The following FRMPD2 variants were observed in gnomAD, a reference collection of about 807,000 sequenced individuals.
FRMPD2 encodes FERM and PDZ domain containing 2, also known as FERM and PDZ domain-containing protein 2.
Under a neutral mutation model 140.1 loss-of-function variants are expected in FRMPD2, and 96 were observed. That is an observed-to-expected ratio of 0.69 (90% confidence interval 0.58 to 0.81). The LOEUF (loss-of-function observed/expected upper bound fraction) is 0.81, where lower values mean the gene tolerates loss of function less well. Among genes scored for constraint, FRMPD2 ranks in the 40% least tolerant of loss-of-function variants. FRMPD2 has a pLI of 0.00. For synonymous variants in FRMPD2, 449 were observed against 547.6 expected, an observed-to-expected ratio of 0.82 and a Z score of 2.52; for missense variants, 1,240 against 1,447.4, an observed-to-expected ratio of 0.86 and a Z score of 2.32.
rs769403306 is a variant in FRMPD2 at position 48,192,825 on chromosome 10, C to T, written c.2024G>A (p.Trp675Ter). 2 of 1,613,990 alleles carry T rather than the reference C, an allele frequency of 1.2e-6. No individual in the cohort carries two copies. The highest frequency in any genetic ancestry group is 1.7e-6 in the Non-Finnish European group (2 of 1,180,018). The change falls in exon 16 of 29, where the codon TGG becomes TAG. Residue 675 changes from tryptophan (W) to a stop codon, truncating the protein, a stop_gained. Coordinates refer to ENST00000374201, the MANE Select transcript of FRMPD2 (RefSeq NM_001018071.4). LOFTEE classifies it high-confidence loss of function. Reference protein sequence around the residue: ...AHQARSKPLIWIQRLSCSENE... With the variant: ...AHQARSKPLI ...TTCTGAGCATGACAATCTCTGAATC[C>T]AAATGAGAGGCTTAGACCGGGCCTG...
intron 12 of FRMPD2, among the ~76,000 whole-genome samples, chr10:48,216,545 A>T (rs944316290): frequency 5.3e-5 from 8 of 152,170 alleles, no homozygotes; most frequent in Admixed American, 3.3e-4. Context: ...AGTTAAACTC[A>T]GGTTTGACAT....
At chr10:48,194,863 G>C (rs113138724) in intron 15 of FRMPD2, among the ~76,000 whole-genome samples, 1 of 152,146 alleles carries the variant, frequency 6.6e-6, no homozygotes, top group African/African-American at 2.4e-5. Flanking sequence ...GTGGAGGGGG[G>C]ATTTGTTGGA....
At chr10:48,252,920 T>G (rs1840418612) in intron 1 of FRMPD2, among the ~76,000 whole-genome samples, 1 of 152,214 alleles carries the variant, frequency 6.6e-6, no homozygotes, top group African/African-American at 2.4e-5. Flanking sequence ...TTTCGTTTTT[T>G]TATCTCTCCT....
intron 3 of FRMPD2, 72 bp downstream of exon 3, chr10:48,248,949 G>C: frequency 7.2e-7 from 1 of 1,386,064 alleles, no homozygotes; most frequent in Non-Finnish European, 9.8e-7. Context: ...TGGGAGCTGG[G>C]GAGGCTGCCG....
chr10:48,192,542 A>G, intron 16 of FRMPD2, 142 bp downstream of exon 16: 1 of 713,644 alleles, frequency 1.4e-6, no homozygotes, highest in Admixed American at 2.7e-5. Flanking sequence ...AGCCAAGATC[A>G]CGCCACTGCA....
chr10:48,207,799 AC>A (rs905385679), intron 13 of FRMPD2, among the ~76,000 whole-genome samples: 22 of 151,864 alleles, frequency 1.4e-4, no homozygotes, highest in African/African-American at 5.1e-4. Context: ...TCCCATTCCT[AC>A]CCCCAACCAG....
chr10:48,190,234 G>T (rs1838796599), intron 16 of FRMPD2, among the ~76,000 whole-genome samples: 1 of 152,214 alleles, frequency 6.6e-6, no homozygotes, highest in Admixed American at 6.5e-5. Flanking sequence ...TGAGCTGACA[G>T]CATCCTGGCT....
intron 1 of FRMPD2, among the ~76,000 whole-genome samples, chr10:48,273,175 C>T (rs1157224440): frequency 6.6e-6 from 1 of 152,226 alleles, no homozygotes; most frequent in Admixed American, 6.5e-5. Context: ...GAGACCTCCC[C>T]TTCTCTACAT....
At chr10:48,174,537 G>T (rs1290138218) in intron 24 of FRMPD2, among the ~76,000 whole-genome samples, 2 of 151,780 alleles carry the variant, frequency 1.3e-5, no homozygotes, top group Non-Finnish European at 2.9e-5. Context: ...GCGGGGCTGG[G>T]GCAGCCAGAG....
At chr10:48,238,189 C>T in intron 7 of FRMPD2, 66 bp from the exon 8 acceptor site, 1 of 1,558,176 alleles carries the variant, frequency 6.4e-7, no homozygotes, top group Non-Finnish European at 8.7e-7. Flanking sequence ...CATGAAAGAC[C>T]ACCCGCACAG....
chr10:48,204,577 A>G (rs1839163255), intron 14 of FRMPD2, among the ~76,000 whole-genome samples: 2 of 152,238 alleles, frequency 1.3e-5, no homozygotes, highest in South Asian at 4.1e-4. Flanking sequence ...TGAAAGGAAA[A>G]AAGTATTATA....
chr10:48,271,023 C>G (rs547091357), intron 1 of FRMPD2, among the ~76,000 whole-genome samples: 1 of 152,202 alleles, frequency 6.6e-6, no homozygotes, highest in African/African-American at 2.4e-5. Flanking sequence ...TCCTAAAACA[C>G]AAATCTGACC....
At chr10:48,160,880 G>A (rs1588795959) in intron 28 of FRMPD2, among the ~76,000 whole-genome samples, 2 of 149,210 alleles carry the variant, frequency 1.3e-5, no homozygotes, top group Non-Finnish European at 3.0e-5. Flanking sequence ...CCTGTAGGGG[G>A]CAGCCACTAT....
intron 1 of FRMPD2, among the ~76,000 whole-genome samples, chr10:48,267,802 A>C (rs1840704058): frequency 6.6e-6 from 1 of 152,256 alleles, no homozygotes; most frequent in Non-Finnish European, 1.5e-5. Flanking sequence ...ATGGAACATT[A>C]CTCAACCATA....
In FRMPD2 at chr10:48,240,424, C is replaced by G; in HGVS notation, c.636G>C (p.Arg212Ser). The G allele has an allele frequency of 6.2e-7, 1 of 1,613,618 alleles. No individual in the cohort carries two copies. The highest frequency in any genetic ancestry group is 8.5e-7 in the Non-Finnish European group (1 of 1,180,040). The change falls in exon 6 of 29, where the codon AGG becomes AGC. Residue 212 changes from arginine to serine, a missense_variant. By Grantham distance (110) the Arg-to-Ser change is moderately radical. Coordinates refer to ENST00000374201, the MANE Select transcript of FRMPD2 (RefSeq NM_001018071.4). ...QQNRSYLLRK[R>S]LRGTSSESPA... is the part of the protein sequence containing the mutation. ...GGCTCTCGCTGCTTGTCCCACGCAG[C>G]CTCTTCCTGAGCAGGTAGCTTCTGT...
chr10:48,241,477 C>T lies in FRMPD2; in HGVS notation c.567+684G>A, dbSNP rs549509970. ...GTGCCATTCCTGCAACAGAGCTCCCCAGGGGGCCAGGCTGGGCCTGTCTCC... is the reference window on the plus strand; with the variant it reads ...GTGCCATTCCTGCAACAGAGCTCCCTAGGGGGCCAGGCTGGGCCTGTCTCC... On this transcript the variant is annotated intron_variant, in intron 5 of 28. Coordinates refer to ENST00000374201, the MANE Select transcript of FRMPD2 (RefSeq NM_001018071.4). 8.2e-4 allele frequency among the ~76,000 whole-genome samples: 125 copies of T among 152,364 alleles called. 1 individual carries two copies. The highest frequency in any genetic ancestry group is 3.4e-3 in the Middle Eastern group (1 of 294).
chr10:48,221,470 T>C (rs1047910153), intron 12 of FRMPD2, among the ~76,000 whole-genome samples: 4 of 152,134 alleles, frequency 2.6e-5, no homozygotes, highest in African/African-American at 9.7e-5. Context: ...AAAGACTACA[T>C]GTTGGGTGCA....
chr10:48,199,388 G>T (rs1460331073), intron 15 of FRMPD2, among the ~76,000 whole-genome samples: 1 of 151,974 alleles, frequency 6.6e-6, no homozygotes, highest in Admixed American at 6.6e-5. Flanking sequence ...CAAAAGATCT[G>T]CTAAGCAACC....
rs2438989 is a variant in FRMPD2 at position 48,161,385 on chromosome 10, C to A, written c.3881+1943G>T. Among the ~76,000 whole-genome samples the A allele has an allele frequency of 9.0e-5, 13 of 143,820 alleles. 1 individual carries two copies. Among genetic ancestry groups the A allele is most frequent in the Admixed American group, 2.8e-4 (4 of 14,422 alleles). The allele number at this position is 143,820 out of a possible 152,430, so 94.4% of individuals were successfully genotyped here. ...AAACAGAATAATGTGATGTTTGATG[C>A]AAAAAAAAAACAGCAAATGCTAACA... On this transcript the variant is annotated intron_variant, in intron 28 of 28. Coordinates refer to ENST00000374201, the MANE Select transcript of FRMPD2 (RefSeq NM_001018071.4).
Sources: allele counts gnomAD v4.1 joint callset (sites outside exome capture counted in the v4.1 genomes callset), GRCh38; gene constraint gnomAD v4.1.1; transcripts MANE v1.5; gene names NCBI Gene and HGNC (gene_info 2026-07-23, HGNC 2026-07-21).